C19orf18: variants seen among roughly 807,000 people sequenced by gnomAD.
C19orf18 encodes chromosome 19 open reading frame 18.
C19orf18 carries 21 observed loss-of-function variants against 23.3 expected under a neutral mutation model. That is an observed-to-expected ratio of 0.90 (90% CI 0.64 to 1.30). C19orf18 has a LOEUF of 1.30. Ranked by LOEUF, C19orf18 falls within the 50% of genes most tolerant of loss-of-function variation. The pLI is 0.00. For synonymous variants in C19orf18, 96 were observed against 95.2 expected (o/e 1.01, Z -0.05); for missense variants, 249 against 259.6 (o/e 0.96, Z 0.28).
chr19:57,959,967 G>A (rs954602177), intron 5 of C19orf18, among the ~76,000 whole-genome samples: 1 of 151,246 alleles, frequency 6.6e-6, no homozygotes, highest in Admixed American at 6.6e-5. Context: ...AAATTAGCCA[G>A]GGGTCATGGT....
At chr19:57,965,047 A>G (rs2072899241) in intron 4 of C19orf18, among the ~76,000 whole-genome samples, 1 of 152,180 alleles carries the variant, frequency 6.6e-6, no homozygotes, top group Admixed American at 6.5e-5. Flanking sequence ...ATTTCTAGTG[A>G]AAGGGAGAGT....
rs370945304 is a variant in C19orf18 at position 57,969,998 on chromosome 19, T to C, written c.268+2465A>G. 1.4e-4 allele frequency among the ~76,000 whole-genome samples: 22 copies of C among 152,320 alleles called. No individual in the cohort carries two copies. In the East Asian group the frequency reaches 3.5e-3, roughly 24 times the overall value. The stretch of plus-strand genomic sequence containing the variant: ...CATGAGATTATGTTTCCCAGCTCCT[T>C]TGCCAATACAGTTATGAGACATTTT... On this transcript the variant is annotated intron_variant, in intron 3 of 5. Transcript: ENST00000314391.
intron 3 of C19orf18, among the ~76,000 whole-genome samples, chr19:57,967,317 G>C (rs2072915811): frequency 6.6e-6 from 1 of 152,192 alleles, no homozygotes; most frequent in African/African-American, 2.4e-5. Flanking sequence ...GGAGTCTAAG[G>C]GATCGAGAGA....
chr19:57,970,226 A>G (rs2072935691), intron 3 of C19orf18, among the ~76,000 whole-genome samples: 1 of 152,192 alleles, frequency 6.6e-6, no homozygotes, highest in African/African-American at 2.4e-5. Context: ...GAAGATCAAG[A>G]GGTGCCAGCT....
At chr19:57,961,318 A>C in intron 5 of C19orf18, 73 bp downstream of exon 5, 1 of 1,422,098 alleles carries the variant, frequency 7.0e-7, no homozygotes, top group African/African-American at 1.4e-5. Flanking sequence ...ACCGCTGAGA[A>C]AGAAAGAAAA....
intron 4 of C19orf18, among the ~76,000 whole-genome samples, chr19:57,965,145 A>AT (rs111747144): frequency 6.8e-6 from 1 of 147,294 alleles, no homozygotes; most frequent in Non-Finnish European, 1.5e-5. Flanking sequence ...TTATTTATTT[A>AT]TTATTTGCGA....
intron 4 of C19orf18, among the ~76,000 whole-genome samples, chr19:57,965,079 A>G (rs1334787481): frequency 6.6e-6 from 1 of 152,038 alleles, no homozygotes; most frequent in Non-Finnish European, 1.5e-5. Context: ...TCTGCTGTGC[A>G]CTATTGAGAT....
intron 4 of C19orf18, among the ~76,000 whole-genome samples, chr19:57,963,821 C>T (rs1044968293): frequency 6.6e-6 from 1 of 152,074 alleles, no homozygotes; most frequent in African/African-American, 2.4e-5. Context: ...ACCTGGGAGG[C>T]GGGGCTTGCA....
chr19:57,971,983 G>A (rs936192429), intron 3 of C19orf18, among the ~76,000 whole-genome samples: 1 of 152,160 alleles, frequency 6.6e-6, no homozygotes, highest in Non-Finnish European at 1.5e-5. Context: ...GGTAGGTGGT[G>A]GGGGAGCTGA....
intron 2 of C19orf18, 41 bp from the exon 3 acceptor site, chr19:57,972,545 A>C (rs2072952258): frequency 6.3e-7 from 1 of 1,596,692 alleles, no homozygotes; most frequent in South Asian, 1.1e-5. Flanking sequence ...AGAGACTTTA[A>C]GATGGTTTAA....
intron 3 of C19orf18, among the ~76,000 whole-genome samples, chr19:57,968,715 G>A (rs1253028172): frequency 1.3e-5 from 2 of 152,134 alleles, no homozygotes; most frequent in South Asian, 2.1e-4. Context: ...ATTGCTGGGT[G>A]TATTTATTAT....
intron 3 of C19orf18, among the ~76,000 whole-genome samples, chr19:57,969,191 T>G (rs577369343): frequency 6.6e-6 from 1 of 152,100 alleles, no homozygotes; most frequent in African/African-American, 2.4e-5. Flanking sequence ...TGAAGATCAT[T>G]TGCATGTCTG....
At chr19:57,971,208 G>GC (rs1382128448) in intron 3 of C19orf18, among the ~76,000 whole-genome samples, 1 of 152,090 alleles carries the variant, frequency 6.6e-6, no homozygotes, top group Non-Finnish European at 1.5e-5. Flanking sequence ...TGAAGAGACT[G>GC]CCCTCCCAGG....
intron 4 of C19orf18, among the ~76,000 whole-genome samples, chr19:57,966,126 C>T (rs1297625428): frequency 3.3e-5 from 5 of 151,910 alleles, no homozygotes; most frequent in East Asian, 1.9e-4. Context: ...TACAGGCACC[C>T]GCCACCACGC....
At chr19:57,970,449 T>C (rs1377871557) in intron 3 of C19orf18, among the ~76,000 whole-genome samples, 2 of 152,232 alleles carry the variant, frequency 1.3e-5, no homozygotes, top group Admixed American at 6.5e-5. Context: ...GGAGTCAGTG[T>C]CTCGTGGGTG....
intron 5 of C19orf18, among the ~76,000 whole-genome samples, chr19:57,959,621 T>C (rs1253122565): frequency 2.0e-5 from 3 of 149,988 alleles, no homozygotes; most frequent in Non-Finnish European, 4.4e-5. Flanking sequence ...CGAGACTCCA[T>C]CTCAAAAAGA....
At chr19:57,963,983 C>A (rs1316368407) in intron 4 of C19orf18, among the ~76,000 whole-genome samples, 2 of 152,106 alleles carry the variant, frequency 1.3e-5, no homozygotes, top group Non-Finnish European at 2.9e-5. Context: ...AGCAAACTTA[C>A]CAATAGTATT....
intron 4 of C19orf18, among the ~76,000 whole-genome samples, chr19:57,965,997 C>T (rs77659182): frequency 7.4e-5 from 10 of 134,810 alleles, no homozygotes; most frequent in African/African-American, 2.3e-4. Context: ...TTTTTTTTTT[C>T]AGACGAGTCT....
intron 4 of C19orf18, among the ~76,000 whole-genome samples, chr19:57,966,037 G>T (rs1023971847): frequency 6.6e-6 from 1 of 150,886 alleles, no homozygotes; most frequent in African/African-American, 2.4e-5. Flanking sequence ...GAGTGCAGTG[G>T]CACGATCTCG....
Sources: allele counts gnomAD v4.1 joint callset (sites outside exome capture counted in the v4.1 genomes callset), GRCh38; gene constraint gnomAD v4.1.1; transcripts MANE v1.5; gene names NCBI Gene and HGNC (gene_info 2026-07-23, HGNC 2026-07-21).